The following DAP variants were observed in gnomAD, a reference collection of about 807,000 sequenced individuals.
The protein encoded by DAP is death associated protein.
In DAP, 8 loss-of-function variants were observed where a neutral mutation model predicts 13.8. The observed-to-expected ratio is 0.58, with a 90% CI of 0.34 to 1.05. The LOEUF (loss-of-function observed/expected upper bound fraction) is 1.05. DAP is among the 50% of genes least tolerant of loss of function. DAP has a pLI of 0.03. For synonymous variants in DAP, 47 were observed against 47.5 expected (o/e 0.99, Z 0.04); for missense variants, 106 against 133.2 (o/e 0.80, Z 1.01).
intron 2 of DAP, among the ~76,000 whole-genome samples, chr5:10,689,153 C>G (rs1354159714): frequency 6.6e-6 from 1 of 152,182 alleles, no homozygotes; most frequent in Non-Finnish European, 1.5e-5. Flanking sequence ...GATATGAGAT[C>G]ATGACAGCTC....
At chr5:10,719,568 G>A (rs948988731) in intron 2 of DAP, among the ~76,000 whole-genome samples, 6 of 152,210 alleles carry the variant, frequency 3.9e-5, no homozygotes, top group African/African-American at 9.7e-5. Context: ...TTGACTATGG[G>A]TCATGAAGTC....
Position 10,741,431 on chromosome 5 carries a change from T to C in DAP, c.152+6744A>G, listed in dbSNP as rs372238393. Among the ~76,000 whole-genome samples the C allele has an allele frequency of 2.0e-5, 3 of 152,184 alleles. No individual in the cohort carries two copies. The East Asian group carries it at 5.8e-4, about 29-fold the overall frequency. On this transcript the variant is annotated intron_variant, in intron 2 of 3. Coordinates refer to ENST00000230895, the MANE Select transcript of DAP (RefSeq NM_004394.3). ...TTAGCAAATGCTACAAATCGGGCTTTTAAAATTTTTTCTTGGAGGGCCAGG... is the reference window on the plus strand; with the variant it reads ...TTAGCAAATGCTACAAATCGGGCTTCTAAAATTTTTTCTTGGAGGGCCAGG...
Position 10,680,651 on chromosome 5 carries a change from C to A in DAP, c.*405G>T. 7.9e-7 allele frequency: 1 copy of A among 1,269,068 alleles called. No homozygotes were observed. The highest frequency in any genetic ancestry group is 1.4e-5 in the South Asian group (1 of 69,602). The allele number at this position is 1,269,068 out of a possible 1,614,324, so 78.6% of individuals were successfully genotyped here. On this transcript the variant is annotated 3_prime_UTR_variant, in exon 4 of 4. Coordinates refer to ENST00000230895, the MANE Select transcript of DAP (RefSeq NM_004394.3). ...CCACAGGTGTTGAGATTTTATTGGCCCATACTAAAAAGCATGCAATGACTG... is the reference window on the plus strand; with the variant it reads ...CCACAGGTGTTGAGATTTTATTGGCACATACTAAAAAGCATGCAATGACTG...
At chr5:10,730,845 GAA>G (rs1284286698) in intron 2 of DAP, among the ~76,000 whole-genome samples, 3 of 106,244 alleles carry the variant, frequency 2.8e-5, no homozygotes, top group South Asian at 3.5e-4. Context: ...TGGTGGGGGG[GAA>G]ATCTTTCTCT....
intron 3 of DAP, 123 bp from the exon 4 acceptor site, chr5:10,681,292 C>T: frequency 1.3e-6 from 1 of 765,990 alleles, no homozygotes; most frequent in East Asian, 2.8e-5. Flanking sequence ...TGTGAGGAAG[C>T]CTCAGGCCAG....
rs749912052 is a variant in DAP at position 10,681,079 on chromosome 5, G to T, written c.286C>A (p.His96Asn). Residue 96 changes from histidine to asparagine, a missense_variant, in exon 4 of 4, where the codon CAC (histidine) becomes AAC (asparagine). Physicochemically the swap from His to Asn is moderately conservative, Grantham distance 68. Transcript: ENST00000230895. ...MDKHPSPRTQ[H>N]IQQPRK ...GCTCACTTGCGTGGCTGCTGGATGT[G>T]CTGGGTTCTTGGGGAAGGATGCTTG... 8.1e-6 allele frequency: 13 copies of T among 1,600,086 alleles called. No individual in the cohort carries two copies. In the African/African-American group the frequency reaches 1.3e-4, roughly 16 times the overall value.
At chr5:10,693,527 T>G (rs1225961410) in intron 2 of DAP, among the ~76,000 whole-genome samples, 2 of 152,220 alleles carry the variant, frequency 1.3e-5, no homozygotes, top group Admixed American at 6.5e-5. Context: ...AAGTGCTGTA[T>G]CTAACTCTCT....
intron 2 of DAP, among the ~76,000 whole-genome samples, chr5:10,732,007 C>T (rs1739476254): frequency 6.6e-6 from 1 of 152,226 alleles, no homozygotes; most frequent in African/African-American, 2.4e-5. Context: ...AGCCTGGCTG[C>T]ATGAGATGCC....
At chr5:10,706,468 G>T (rs1738701502) in intron 2 of DAP, among the ~76,000 whole-genome samples, 1 of 152,166 alleles carries the variant, frequency 6.6e-6, no homozygotes, top group African/African-American at 2.4e-5. Context: ...CCGAAGCCTG[G>T]GCTCCTAACT....
intron 2 of DAP, among the ~76,000 whole-genome samples, chr5:10,723,122 C>A (rs966989720): frequency 3.3e-5 from 5 of 152,164 alleles, no homozygotes; most frequent in Admixed American, 2.6e-4. Context: ...CTCCCTCTTG[C>A]CATCACAGTC....
intron 2 of DAP, among the ~76,000 whole-genome samples, chr5:10,728,542 T>C (rs993742127): frequency 1.3e-5 from 2 of 152,232 alleles, no homozygotes; most frequent in East Asian, 3.8e-4. Flanking sequence ...ATTCTGAGTT[T>C]AAGAAATTAA....
chr5:10,688,491 G>A (rs938335229), intron 2 of DAP, among the ~76,000 whole-genome samples: 2 of 152,200 alleles, frequency 1.3e-5, no homozygotes, highest in African/African-American at 4.8e-5. Context: ...AAACCAAAAA[G>A]TTGTGGGACT....
rs890200768 is a variant in DAP at position 10,682,611 on chromosome 5, G to A, written c.195+918C>T. ...CCAGCACCCACCAGCGTCCCTGCAG[G>A]GCAGGCGTGGACTGTGAATGGATAA... On this transcript the variant is annotated intron_variant, in intron 3 of 3. Transcript: ENST00000230895. 2.0e-5 allele frequency among the ~76,000 whole-genome samples: 3 copies of A among 152,264 alleles called. No individual in the cohort carries two copies. The East Asian group carries it at 5.8e-4, about 29-fold the overall frequency.
intron 2 of DAP, among the ~76,000 whole-genome samples, chr5:10,732,045 T>C (rs146817504): frequency 1.3e-5 from 2 of 152,344 alleles, no homozygotes; most frequent in African/African-American, 4.8e-5. Flanking sequence ...AGAGTCCTGA[T>C]GTCCCTGAGG....
At chr5:10,689,378 C>G (rs951816542) in intron 2 of DAP, among the ~76,000 whole-genome samples, 14 of 152,174 alleles carry the variant, frequency 9.2e-5, no homozygotes, top group Non-Finnish European at 1.3e-4. Context: ...ACCCTCCCCC[C>G]ACAGGCCCAG....
chr5:10,742,924 ACCAT>A (rs369437281), intron 2 of DAP, among the ~76,000 whole-genome samples: 163 of 134,296 alleles, frequency 1.2e-3, no homozygotes, highest in East Asian at 1.9e-3. Flanking sequence ...GTTTGTATCT[ACCAT>A]CCATCCATCC....
chr5:10,690,068 T>G (rs755392854), intron 2 of DAP, among the ~76,000 whole-genome samples: 1 of 152,098 alleles, frequency 6.6e-6, no homozygotes. Context: ...AAGAACCCCA[T>G]GTGTCCAGCA....
chr5:10,722,583 T>C (rs555617923), intron 2 of DAP, among the ~76,000 whole-genome samples: 4 of 127,874 alleles, frequency 3.1e-5, no homozygotes, highest in South Asian at 2.6e-4. Context: ...CATACATATA[T>C]ATACATATAT....
At chr5:10,681,397 G>C (rs959579623) in intron 3 of DAP, among the ~76,000 whole-genome samples, 2 of 150,604 alleles carry the variant, frequency 1.3e-5, no homozygotes, top group Non-Finnish European at 2.9e-5. Flanking sequence ...CATGGGGTTT[G>C]TATGTGAGGA....
Sources: allele counts gnomAD v4.1 joint callset (sites outside exome capture counted in the v4.1 genomes callset), GRCh38; gene constraint gnomAD v4.1.1; transcripts MANE v1.5; gene names NCBI Gene and HGNC (gene_info 2026-07-23, HGNC 2026-07-21).